Variants in SEPTIN2 observed in about 807,000 individuals in gnomAD.
The protein encoded by SEPTIN2 is septin-2.
Under a neutral mutation model 46.5 loss-of-function variants are expected in SEPTIN2, and 34 were observed. The ratio of observed to expected loss-of-function variants is 0.73; its 90% CI spans 0.56 to 0.97. The LOEUF (loss-of-function observed/expected upper bound fraction) is 0.97. Among genes scored for constraint, SEPTIN2 ranks in the 50% least tolerant of loss-of-function variants. The pLI is 0.00. For synonymous variants in SEPTIN2, 175 were observed against 153.4 expected (o/e 1.14, Z -1.04); for missense variants, 347 against 448.4 (o/e 0.77, Z 2.04).
Position 241,337,424 on chromosome 2 carries a change from G to C in SEPTIN2, c.384G>C (p.Arg128Ser), listed in dbSNP as rs961125047. The part of the protein sequence containing the change: ...IISYIDEQFE[R>S]YLHDESGLNR... ...CCTATATTGATGAGCAATTTGAGAG[G>C]TACCTGCATGACGAGAGCGGCTTGA... The change falls in exon 6 of 13, where the codon AGG becomes AGC. Residue 128 changes from arginine (R) to serine (S), a missense_variant. By Grantham distance (110) the Arg-to-Ser change is moderately radical (BLOSUM62 -1). Transcript: ENST00000391971. 1 of 1,613,944 alleles carries C rather than the reference G, an allele frequency of 6.2e-7. No homozygotes were observed. Among genetic ancestry groups the C allele is most frequent in the Non-Finnish European group, 8.5e-7 (1 of 1,179,922 alleles).
At chr2:241,331,166 G>A (rs1319660946) in intron 3 of SEPTIN2, among the ~76,000 whole-genome samples, 2 of 152,022 alleles carry the variant, frequency 1.3e-5, no homozygotes, top group South Asian at 2.1e-4. Flanking sequence ...ATGACAGAGC[G>A]AGACTCCGTC....
At chr2:241,324,925 G>A in intron 2 of SEPTIN2, 1 of 151,994 alleles carries the variant, frequency 6.6e-6, no homozygotes, top group Non-Finnish European at 1.5e-5. Flanking sequence ...CATATTCTGA[G>A]AAAAGCAGAA....
intron 3 of SEPTIN2, among the ~76,000 whole-genome samples, chr2:241,332,711 C>G (rs1456943584): frequency 6.6e-6 from 1 of 152,234 alleles, no homozygotes; most frequent in East Asian, 1.9e-4. Context: ...TAGCCCCAAA[C>G]TGGGGACAGC....
chr2:241,340,066 T>A (rs1331110177), intron 7 of SEPTIN2, among the ~76,000 whole-genome samples: 1 of 152,248 alleles, frequency 6.6e-6, no homozygotes, highest in Non-Finnish European at 1.5e-5. Context: ...AGTATACATT[T>A]AAATTTTTGA....
intron 1 of SEPTIN2, among the ~76,000 whole-genome samples, chr2:241,321,021 C>A (rs1229317812): frequency 2.0e-5 from 3 of 152,114 alleles, no homozygotes; most frequent in Non-Finnish European, 2.9e-5. Context: ...TCTTTTTCCA[C>A]CCAATTTAAG....
At chr2:241,346,445 G>T in intron 10 of SEPTIN2, 196 bp downstream of exon 10, 1 of 393,898 alleles carries the variant, frequency 2.5e-6, no homozygotes, top group Non-Finnish European at 4.6e-6. Context: ...TACATTTAAT[G>T]ATATGCACGT....
At position 241,335,971 on chromosome 2, in the gene SEPTIN2, C is replaced by G; in HGVS notation, c.218-4C>G. On this transcript the variant is annotated splice_region_variant and splice_polypyrimidine_tract_variant and intron_variant, in intron 4 of 12. Coordinates refer to ENST00000391971, the MANE Select transcript of SEPTIN2 (RefSeq NM_004404.5). ...ATTCCCTATTAAGTTTGTTTCTTTT[C>G]TAGAAAAAATTGAAAGAACTGTCCA... is the stretch of plus-strand genomic sequence containing the variant. The G allele has an allele frequency of 6.2e-7, 1 of 1,613,970 alleles. No individual in the cohort carries two copies. The highest frequency in any genetic ancestry group is 8.5e-7 in the Non-Finnish European group (1 of 1,179,980).
intron 7 of SEPTIN2, among the ~76,000 whole-genome samples, chr2:241,341,269 C>T (rs930192785): frequency 1.3e-5 from 2 of 152,208 alleles, no homozygotes; most frequent in African/African-American, 4.8e-5. Context: ...CTGATGGACT[C>T]CTGTCCTTCC....
chr2:241,349,009 T>G (rs2060530574), intron 11 of SEPTIN2, among the ~76,000 whole-genome samples: 1 of 152,204 alleles, frequency 6.6e-6, no homozygotes. Flanking sequence ...AATACTTTCC[T>G]GGAGGCATTT....
intron 11 of SEPTIN2, among the ~76,000 whole-genome samples, chr2:241,349,646 C>A (rs1291191997): frequency 6.6e-6 from 1 of 151,938 alleles, no homozygotes; most frequent in Admixed American, 6.6e-5. Flanking sequence ...TGTGGTGAAA[C>A]CCCGTCTCTA....
intron 3 of SEPTIN2, among the ~76,000 whole-genome samples, chr2:241,328,723 CAA>C (rs765544832): frequency 4.2e-4 from 63 of 150,946 alleles, no homozygotes; most frequent in Non-Finnish European, 7.8e-4. Flanking sequence ...GCCGGGGCAA[CAA>C]GAGAGAAACT....
intron 3 of SEPTIN2, among the ~76,000 whole-genome samples, chr2:241,332,097 TAA>T (rs2079092211): frequency 6.6e-6 from 1 of 152,148 alleles, no homozygotes; most frequent in African/African-American, 2.4e-5. Flanking sequence ...TGTAAAGCTA[TAA>T]AAACTACAAG....
chr2:241,349,749 AG>A (rs2150221590), intron 11 of SEPTIN2, among the ~76,000 whole-genome samples: 1 of 152,246 alleles, frequency 6.6e-6, no homozygotes, highest in South Asian at 2.1e-4. Flanking sequence ...TGAACCCGGG[AG>A]GCGGAGGTAG....
intron 2 of SEPTIN2, chr2:241,324,490 C>A: frequency 2.1e-6 from 1 of 477,656 alleles, no homozygotes; most frequent in Non-Finnish European, 3.9e-6. Flanking sequence ...CACGTTCAAG[C>A]GATTCCCCTG....
chr2:241,330,302 G>A (rs912924953), intron 3 of SEPTIN2, among the ~76,000 whole-genome samples: 1 of 152,108 alleles, frequency 6.6e-6, no homozygotes, highest in Non-Finnish European at 1.5e-5. Flanking sequence ...CTTCATCAGC[G>A]ACACAATGGG....
At chr2:241,347,555 A>T (rs542136075) in intron 10 of SEPTIN2, among the ~76,000 whole-genome samples, 1 of 152,236 alleles carries the variant, frequency 6.6e-6, no homozygotes, top group Non-Finnish European at 1.5e-5. Context: ...TCGCATTAAT[A>T]AAGAATAACA....
At chr2:241,316,154 T>G in intron 1 of SEPTIN2, 172 bp downstream of exon 1, 1 of 218,764 alleles carries the variant, frequency 4.6e-6, no homozygotes. Flanking sequence ...GCACTTATCG[T>G]GGGCTCCCCC....
intron 3 of SEPTIN2, among the ~76,000 whole-genome samples, chr2:241,330,002 G>A (rs889613898): frequency 1.3e-5 from 2 of 152,214 alleles, no homozygotes; most frequent in Non-Finnish European, 2.9e-5. Context: ...AAGAATGTTA[G>A]CACAGGTCTT....
chr2:241,323,993 CAGAA>C (rs1472328303), intron 1 of SEPTIN2, among the ~76,000 whole-genome samples: 1 of 152,164 alleles, frequency 6.6e-6, no homozygotes, highest in African/African-American at 2.4e-5. Flanking sequence ...ACACAAAAGT[CAGAA>C]AGAATAAAAG....
Sources: gnomAD v4.1 joint callset for allele counts (sites outside exome capture counted in the v4.1 genomes callset) on GRCh38, gnomAD v4.1.1 for gene constraint, MANE v1.5 for transcripts, NCBI Gene and HGNC (gene_info 2026-07-23, HGNC 2026-07-21) for gene names.